The following SLC2A11 variants were observed in gnomAD, a reference collection of about 807,000 sequenced individuals.
The protein encoded by SLC2A11 is solute carrier family 2, facilitated glucose transporter member 11.
Under a neutral mutation model 52.1 loss-of-function variants are expected in SLC2A11, and 43 were observed. The ratio of observed to expected loss-of-function variants is 0.82; its 90% CI spans 0.65 to 1.06. The LOEUF is 1.06. Among genes scored for constraint, SLC2A11 ranks in the 50% least tolerant of loss-of-function variants. The pLI is 0.00. For synonymous variants in SLC2A11, 261 were observed against 277.6 expected (o/e 0.94, Z 0.59); for missense variants, 582 against 654.2 (o/e 0.89, Z 1.20).
chr22:23,871,925 G>C (rs2032470613), intron 3 of SLC2A11: 1 of 152,220 alleles, frequency 6.6e-6, no homozygotes, highest in Non-Finnish European at 1.5e-5. Context: ...CTCAACCTTA[G>C]TAGGAGGGTG....
At position 23,862,066 on chromosome 22, in the gene SLC2A11, T is replaced by C. The variant is rs371433609; in HGVS notation, c.31-38T>C. 6,912 of 1,557,426 alleles carry C rather than the reference T, an allele frequency of 4.4e-3. 248 individuals carry two copies. In the South Asian group the frequency reaches 0.063, roughly 14 times the overall value. Reference sequence around the variant, plus strand: ...TCTGGTCCAGGGAGGGGGTGGAGGCTGTTGTTGGTCACTCTGTGTTCTCTC... The same window carrying C: ...TCTGGTCCAGGGAGGGGGTGGAGGCCGTTGTTGGTCACTCTGTGTTCTCTC... On this transcript the variant is annotated intron_variant, in intron 1 of 11. Coordinates refer to ENST00000316185, the MANE Select transcript of SLC2A11 (RefSeq NM_001024939.4).
Position 23,884,186 on chromosome 22 carries a change from A to G in SLC2A11, c.1172-116A>G, listed in dbSNP as rs1252229476. 8.7e-6 allele frequency: 13 copies of G among 1,485,950 alleles called. No homozygotes were observed. In the Admixed American group the frequency reaches 2.7e-4, roughly 31 times the overall value. The allele number at this position is 1,485,950 out of a possible 1,614,324, so 92.0% of individuals were successfully genotyped here. A position where few individuals can be genotyped will look rare whatever the true frequency, so the allele number is the denominator to read the frequency against. The stretch of plus-strand genomic sequence containing the variant: ...AGGGAATGGCAGGAGGAGAGCACTG[A>G]GGGGCCCCCCATACAGACTGGGCCT... On this transcript the variant is annotated intron_variant, in intron 10 of 11. Coordinates refer to ENST00000316185, the MANE Select transcript of SLC2A11 (RefSeq NM_001024939.4). This position sits in a 1 kb window ranked among gnomAD's most constrained non-coding sequence, Gnocchi z 4.3.
In SLC2A11 at chr22:23,862,142, C is replaced by T. The variant is rs777066942; in HGVS notation, c.69C>T (p.Ala23=). The T allele has an allele frequency of 9.9e-6, 16 of 1,614,174 alleles. No individual in the cohort carries two copies. The highest frequency in any genetic ancestry group is 2.7e-5 in the African/African-American group (2 of 75,034). The change falls in exon 2 of 12, where the codon GCC becomes GCT. Residue 23 remains alanine (A), a synonymous_variant. Transcript: ENST00000316185. ...TCCTGCTCCTGACCATCTGCGCTGC[C>T]GGCATTGGTGGGACTTTTCAGTTTG... The part of the protein sequence containing the change: ...GRILLLTICA[A]GIGGTFQFGY...
chr22:23,862,474 G>T (rs1271321654), intron 2 of SLC2A11: 4 of 463,722 alleles, frequency 8.6e-6, no homozygotes, highest in Non-Finnish European at 1.2e-5. Context: ...TCATCTCTTG[G>T]ACACTAAGTC....
intron 3 of SLC2A11, chr22:23,869,467 A>T (rs1400891986): frequency 6.6e-6 from 1 of 152,638 alleles, no homozygotes; most frequent in African/African-American, 2.4e-5. Flanking sequence ...CAGCCTGGGC[A>T]ACAGAACAAG....
At chr22:23,858,621 A>G (rs1385618159) in intron 1 of SLC2A11, among the ~76,000 whole-genome samples, 1 of 152,246 alleles carries the variant, frequency 6.6e-6, no homozygotes, top group African/African-American at 2.4e-5. Context: ...AGGATCGCCC[A>G]GGAGTTCGAA....
At chr22:23,862,749 G>A (rs556532737) in intron 2 of SLC2A11, among the ~76,000 whole-genome samples, 2 of 152,018 alleles carry the variant, frequency 1.3e-5, no homozygotes, top group African/African-American at 4.8e-5. Flanking sequence ...TCAGCCTCCC[G>A]AGTAGCTGGG....
At chr22:23,865,298 C>T (rs563735381) in intron 2 of SLC2A11, 2 of 152,306 alleles carry the variant, frequency 1.3e-5, no homozygotes, top group African/African-American at 2.4e-5. Context: ...TGCCTATAAT[C>T]GCAGCTACTT....
chr22:23,872,721 CCTT>C (rs998271593), intron 3 of SLC2A11: 28 of 152,250 alleles, frequency 1.8e-4, no homozygotes, highest in African/African-American at 6.0e-4. Flanking sequence ...GTTTGTCCCT[CCTT>C]CTTAGAGGAA....
chr22:23,863,714 A>C (rs552662425), intron 2 of SLC2A11, among the ~76,000 whole-genome samples: 41 of 142,264 alleles, frequency 2.9e-4, no homozygotes, highest in Non-Finnish European at 4.1e-4. Context: ...CCCCGTCCCG[A>C]GCTCAGGCGC....
rs1228201403 is a variant in SLC2A11, at chr22:23,857,926, C to T, written c.-74C>T. On this transcript the variant is annotated 5_prime_UTR_variant, in exon 1 of 12. Coordinates refer to ENST00000316185, the MANE Select transcript of SLC2A11 (RefSeq NM_001024939.4). ...TGCCCTTCCCTCCGCGCACAGGCTG[C>T]CGGCTCACCGCTTGCTAATGGCAGC... 8.8e-6 allele frequency: 14 copies of T among 1,588,930 alleles called. No homozygotes were observed. The highest frequency in any genetic ancestry group is 6.9e-5 in the Admixed American group (4 of 57,976).
At chr22:23,881,877 CAGAG>C (rs1319180674) in intron 6 of SLC2A11, 7 of 79,230 alleles carry the variant, frequency 8.8e-5, no homozygotes, top group East Asian at 7.2e-4. Context: ...GAGACAGAGG[CAGAG>C]AGAGAGAAAC....
rs1434892125 is a variant in SLC2A11 at position 23,885,018 on chromosome 22, A to G, written c.*169A>G. ...CTTAGCAATCAATGGTGAGCGTGGT[A>G]TTCCAGGCTAAAGGTAATTAACTGA... On this transcript the variant is annotated 3_prime_UTR_variant, in exon 12 of 12. Transcript: ENST00000316185. 1 of 600,718 alleles carries G rather than the reference A, an allele frequency of 1.7e-6. No homozygotes were observed. Among genetic ancestry groups the G allele is most frequent in the African/African-American group, 1.9e-5 (1 of 53,670 alleles). 37.2% of individuals were successfully genotyped at this position (600,718 alleles called of 1,614,324 possible). A position where few individuals can be genotyped will look rare whatever the true frequency, so the allele number is the denominator to read the frequency against.
intron 2 of SLC2A11, chr22:23,867,570 T>C (rs1015346313): frequency 7.4e-6 from 3 of 404,634 alleles, no homozygotes; most frequent in Admixed American, 6.1e-5. Context: ...CCTGCGCTTA[T>C]GGTAATGAGA....
chr22:23,868,481 C>A lies in SLC2A11; in HGVS notation c.130C>A (p.His44Asn), dbSNP rs1241834724. Residue 44 changes from histidine (H) to asparagine (N), a missense_variant and splice_region_variant, in exon 3 of 12, where the codon CAC becomes AAC. Coordinates refer to ENST00000316185, the MANE Select transcript of SLC2A11 (RefSeq NM_001024939.4). ...NLSIINAPTL[H>N]IQEFTNETWQ... is the part of the protein sequence containing the mutation. ...GGCTGACTGGCATTTCTGTCCACAGCACATTCAGGAATTCACCAATGAGAC... is the reference window on the plus strand; with the variant it reads ...GGCTGACTGGCATTTCTGTCCACAGAACATTCAGGAATTCACCAATGAGAC... The A allele has an allele frequency of 6.2e-7, 1 of 1,614,100 alleles. No homozygotes were observed. The highest frequency in any genetic ancestry group is 1.7e-5 in the Admixed American group (1 of 60,014).
In SLC2A11 at chr22:23,882,767, C is replaced by T. The variant is rs900162552; in HGVS notation, c.891C>T (p.Ala297=). 1 of 1,612,306 alleles carries T rather than the reference C, an allele frequency of 6.2e-7. No homozygotes were observed. The highest frequency in any genetic ancestry group is 1.1e-5 in the South Asian group (1 of 90,764). ...AAGCCACCCTCTCCCAGGTGTACGC[C>T]TACGCCTCCTCCGTGTTCCGGAAGG... is the stretch of plus-strand genomic sequence containing the variant. ...MELCGNDSVY[A]YASSVFRKAG... The change falls in exon 8 of 12, where the codon GCC becomes GCT. Residue 297 remains alanine, a synonymous_variant. Transcript: ENST00000316185.
In SLC2A11 at chr22:23,877,188, C is replaced by G. The variant is rs764809396; in HGVS notation, c.545+17C>G. 6 of 1,601,064 alleles carry G rather than the reference C, an allele frequency of 3.7e-6. No individual in the cohort carries two copies. The highest frequency in any genetic ancestry group is 2.2e-5 in the East Asian group (1 of 44,776). ...CGGACTCAGGTAAGCACCCCTCCCC[C>G]ACATGCATTGAGTATTTCGGAGATA... On this transcript the variant is annotated intron_variant, in intron 5 of 11. Transcript: ENST00000316185.
chr22:23,875,659 T>C (rs1005037692), intron 4 of SLC2A11, among the ~76,000 whole-genome samples: 1 of 152,208 alleles, frequency 6.6e-6, no homozygotes, highest in Non-Finnish European at 1.5e-5. Context: ...AGCAGAATTT[T>C]GAGCACATCC....
rs1168375435 is a variant in SLC2A11, at chr22:23,884,701, G to A, written c.1352G>A (p.Gly451Glu). 4 of 1,612,952 alleles carry A rather than the reference G, an allele frequency of 2.5e-6. No individual in the cohort carries two copies. In the African/African-American group the frequency reaches 4.0e-5, roughly 16 times the overall value. Residue 451 changes from glycine (G) to glutamate (E), a missense_variant, in exon 12 of 12, where the codon GGG (glycine) becomes GAG (glutamate). Transcript: ENST00000316185. The surrounding 1 kb of genome is among the most constrained non-coding windows in gnomAD (Gnocchi z 4.3). The part of the protein sequence containing the change: ...YVPFLGVCVC[G>E]AIYTGLFLPE... ...CCTTTCCTTGGTGTCTGTGTCTGTG[G>A]GGCCATCTACACTGGCCTGTTCCTT...
Sources: gnomAD v4.1 joint callset for allele counts (sites outside exome capture counted in the v4.1 genomes callset) on GRCh38, gnomAD v4.1.1 for gene constraint, Gnocchi (gnomAD v3.1) non-coding constraint, MANE v1.5 for transcripts, NCBI Gene and HGNC (gene_info 2026-07-23, HGNC 2026-07-21) for gene names.